GPC6: variants seen among roughly 807,000 people sequenced by gnomAD.
GPC6 encodes the protein glypican-6.
In GPC6, 14 loss-of-function variants were observed where a neutral mutation model predicts 55.2. The ratio of observed to expected loss-of-function variants is 0.25; its 90% CI spans 0.17 to 0.40. The LOEUF is 0.40. GPC6 is among the 10% of genes least tolerant of loss of function. GPC6 has a pLI of 1.00. For synonymous variants in GPC6, 278 were observed against 259.6 expected (o/e 1.07, Z -0.68); for missense variants, 641 against 708.5 (o/e 0.90, Z 1.08).
At chr13:93,549,771 A>C (rs555941331) in intron 2 of GPC6, among the ~76,000 whole-genome samples, 1 of 146,566 alleles carries the variant, frequency 6.8e-6, no homozygotes, top group East Asian at 2.0e-4. Flanking sequence ...TAACTCCTAC[A>C]AAAAAAAAAA....
At chr13:93,593,034 G>C (rs1211352630) in intron 2 of GPC6, among the ~76,000 whole-genome samples, 1 of 151,876 alleles carries the variant, frequency 6.6e-6, no homozygotes, top group African/African-American at 2.4e-5. Context: ...AAAGATCTTG[G>C]AGTTGGTTCT....
chr13:93,997,146 T>G (rs536117213), intron 3 of GPC6, among the ~76,000 whole-genome samples: 2 of 152,326 alleles, frequency 1.3e-5, no homozygotes, highest in East Asian at 1.9e-4. Flanking sequence ...GTTCTCTTTT[T>G]AAGTAACATC....
intron 2 of GPC6, among the ~76,000 whole-genome samples, chr13:93,729,325 A>G (rs1334854765): frequency 6.6e-6 from 1 of 152,148 alleles, no homozygotes; most frequent in Non-Finnish European, 1.5e-5. Context: ...AATAAACACA[A>G]TCTGTTTTTG....
At chr13:93,633,654 A>G (rs151084007) in intron 2 of GPC6, among the ~76,000 whole-genome samples, 36,917 of 151,130 alleles carry the variant, frequency 0.24, 5,093 homozygotes, top group East Asian at 0.32. Context: ...AAATAAATAA[A>G]TAAATAAATA....
intron 2 of GPC6, among the ~76,000 whole-genome samples, chr13:93,739,802 C>A (rs1296672070): frequency 6.6e-6 from 1 of 152,062 alleles, no homozygotes; most frequent in East Asian, 1.9e-4. Context: ...GGGATTTAAT[C>A]CCTTAGGAAA....
intron 1 of GPC6, among the ~76,000 whole-genome samples, chr13:93,433,967 G>A (rs1263951353): frequency 2.0e-5 from 3 of 152,156 alleles, no homozygotes; most frequent in Non-Finnish European, 4.4e-5. Flanking sequence ...TCCCAGCTGT[G>A]TGACCTTGGG....
At chr13:94,080,357 T>C (rs1885058554) in intron 4 of GPC6, among the ~76,000 whole-genome samples, 1 of 152,204 alleles carries the variant, frequency 6.6e-6, no homozygotes, top group Non-Finnish European at 1.5e-5. Flanking sequence ...TTAATTATAT[T>C]TGGGTAAAAA....
At chr13:93,432,006 C>G (rs1877378410) in intron 1 of GPC6, among the ~76,000 whole-genome samples, 1 of 151,882 alleles carries the variant, frequency 6.6e-6, no homozygotes, top group African/African-American at 2.4e-5. Flanking sequence ...GAAATGTGTC[C>G]CTAGAAGTTT....
intron 3 of GPC6, among the ~76,000 whole-genome samples, chr13:93,925,806 T>C (rs571356412): frequency 2.6e-5 from 4 of 152,266 alleles, no homozygotes; most frequent in Non-Finnish European, 5.9e-5. Flanking sequence ...TTTGAGGTAA[T>C]GTTTCTAGGG....
At chr13:93,301,022 A>AC (rs1278358269) in intron 1 of GPC6, among the ~76,000 whole-genome samples, 1 of 152,036 alleles carries the variant, frequency 6.6e-6, no homozygotes, top group Non-Finnish European at 1.5e-5. Context: ...TCCGTCTCAA[A>AC]AAAAAAAAAG....
chr13:94,243,742 T>C (rs1388659517), intron 4 of GPC6, among the ~76,000 whole-genome samples: 1 of 152,166 alleles, frequency 6.6e-6, no homozygotes, highest in Non-Finnish European at 1.5e-5. Context: ...GCTTTTTATG[T>C]CTACCAGTAG....
At chr13:93,550,116 T>C (rs1250968397) in intron 2 of GPC6, among the ~76,000 whole-genome samples, 1 of 152,276 alleles carries the variant, frequency 6.6e-6, no homozygotes, top group East Asian at 1.9e-4. Context: ...TGGGTGTTTT[T>C]TGTAAAAGCC....
At chr13:93,522,327 T>C (rs1486854063) in intron 1 of GPC6, among the ~76,000 whole-genome samples, 1 of 152,040 alleles carries the variant, frequency 6.6e-6, no homozygotes, top group Non-Finnish European at 1.5e-5. Flanking sequence ...TTCCGATTCC[T>C]GGAATAATCC....
At chr13:93,664,483 C>CT (rs1448156487) in intron 2 of GPC6, among the ~76,000 whole-genome samples, 1 of 152,142 alleles carries the variant, frequency 6.6e-6, no homozygotes, top group Non-Finnish European at 1.5e-5. Flanking sequence ...AGATGGATGG[C>CT]TTTTTAGAAA....
In GPC6 at chr13:94,173,804, A is replaced by G. The variant is rs141855324; in HGVS notation, c.878-112545A>G. Among the ~76,000 whole-genome samples the G allele has an allele frequency of 6.0e-3, 911 of 152,274 alleles. 5 individuals carry two copies. The highest frequency in any genetic ancestry group is 7.1e-3 in the African/African-American group (294 of 41,572). ...CTACAGGCTGTTGATAAGCTGAGGG[A>G]AACTTAGAAAGCTCATGTACTTTCT... On this transcript the variant is annotated intron_variant, in intron 4 of 8. Transcript: ENST00000377047.
intron 1 of GPC6, among the ~76,000 whole-genome samples, chr13:93,378,084 A>G (rs983157534): frequency 6.6e-6 from 1 of 152,242 alleles, no homozygotes; most frequent in Admixed American, 6.5e-5. Flanking sequence ...AAGGTATTTT[A>G]AAAGCCTGTA....
At chr13:94,350,873 T>C (rs1356017059) in intron 6 of GPC6, among the ~76,000 whole-genome samples, 1 of 151,946 alleles carries the variant, frequency 6.6e-6, no homozygotes, top group Non-Finnish European at 1.5e-5. Context: ...CAGTAGAACA[T>C]GAGGGGGTGA....
At chr13:93,832,282 T>A (rs1887550083) in intron 3 of GPC6, among the ~76,000 whole-genome samples, 1 of 150,522 alleles carries the variant, frequency 6.6e-6, no homozygotes, top group Non-Finnish European at 1.5e-5. Context: ...AAAATATGAA[T>A]AAGTGTAGAA....
chr13:94,042,410 T>A (rs1459958832), intron 4 of GPC6, among the ~76,000 whole-genome samples: 26 of 151,898 alleles, frequency 1.7e-4, no homozygotes, highest in Admixed American at 1.7e-3. Context: ...ATAATACTAT[T>A]AACTAAATTA....
Sources: gnomAD v4.1 joint callset for allele counts (sites outside exome capture counted in the v4.1 genomes callset) on GRCh38, gnomAD v4.1.1 for gene constraint, MANE v1.5 for transcripts, NCBI Gene and HGNC (gene_info 2026-07-23, HGNC 2026-07-21) for gene names.